IQANK1: variants seen among roughly 807,000 people sequenced by gnomAD.
IQANK1 encodes IQ motif and ankyrin repeat domain-containing protein 1.
In IQANK1, 30 loss-of-function variants were observed where a neutral mutation model predicts 22.6. The observed-to-expected ratio is 1.33, with a 90% confidence interval of 0.99 to 1.80. IQANK1 has a LOEUF of 1.80. IQANK1 is among the 40% of genes most tolerant of loss of function. The pLI is 0.00. For synonymous variants in IQANK1, 122 were observed against 99.6 expected, an observed-to-expected ratio of 1.23 and a Z score of -1.34; for missense variants, 275 against 235.2, an observed-to-expected ratio of 1.17 and a Z score of -1.11.
chr8:143,736,649 C>T (rs1316423855), intron 2 of IQANK1, among the ~76,000 whole-genome samples: 1 of 152,138 alleles, frequency 6.6e-6, no homozygotes, highest in East Asian at 1.9e-4. Context: ...CTCTCTGCTC[C>T]ATCTGGGCCA....
chr8:143,770,658 C>CG (rs1554629662), intron 3 of IQANK1, among the ~76,000 whole-genome samples: 3 of 152,262 alleles, frequency 2.0e-5, no homozygotes, highest in Non-Finnish European at 4.4e-5. Context: ...TTCTGGCCTG[C>CG]GCTCCCGTGG....
intron 3 of IQANK1, among the ~76,000 whole-genome samples, chr8:143,748,841 A>ATATATAAATATATATTTCATATATAAT: frequency 9.1e-6 from 1 of 110,080 alleles, no homozygotes; most frequent in Non-Finnish European, 1.6e-5. Context: ...TCATATATAA[A>ATATATAAATATATATTTCATATATAAT]TATATAAATA....
chr8:143,763,429 G>A (rs1237947425), intron 3 of IQANK1, among the ~76,000 whole-genome samples: 2 of 152,158 alleles, frequency 1.3e-5, no homozygotes, highest in African/African-American at 4.8e-5. Context: ...GATATGGTTT[G>A]GTCCCCTCCA....
intron 3 of IQANK1, among the ~76,000 whole-genome samples, chr8:143,752,510 A>G (rs372667847): frequency 2.2e-4 from 34 of 152,284 alleles, no homozygotes; most frequent in African/African-American, 7.5e-4. Flanking sequence ...CATGTCTTTC[A>G]TCAAATTTGG....
At chr8:143,780,802 TTTA>T (rs1819783589) in intron 7 of IQANK1, among the ~76,000 whole-genome samples, 1 of 152,250 alleles carries the variant, frequency 6.6e-6, no homozygotes, top group African/African-American at 2.4e-5. Context: ...TGCATGTGTC[TTTA>T]TGGTACACTG....
intron 3 of IQANK1, among the ~76,000 whole-genome samples, chr8:143,748,830 T>TTCATATATAAATATATGAATATATATA (rs1819104257): frequency 1.2e-5 from 1 of 84,004 alleles, no homozygotes; most frequent in Admixed American, 2.1e-4. Context: ...AAATATATAT[T>TTCATATATAAATATATGAATATATATA]TCATATATAA....
At chr8:143,748,686 T>C (rs1347734471) in intron 3 of IQANK1, among the ~76,000 whole-genome samples, 1 of 91,808 alleles carries the variant, frequency 1.1e-5, no homozygotes, top group Non-Finnish European at 1.7e-5. Context: ...ATATATATCA[T>C]ATATATCATA....
chr8:143,756,715 C>A (rs1289177837), intron 3 of IQANK1, among the ~76,000 whole-genome samples: 3 of 151,852 alleles, frequency 2.0e-5, no homozygotes, highest in African/African-American at 7.3e-5. Flanking sequence ...TCTGTAATCC[C>A]AGCACTTTGG....
intron 3 of IQANK1, among the ~76,000 whole-genome samples, chr8:143,751,117 TA>T (rs1187405492): frequency 3.4e-4 from 51 of 152,148 alleles, no homozygotes; most frequent in African/African-American, 1.1e-3. Context: ...TTCAACGACA[TA>T]AAAAACTCTG....
intron 2 of IQANK1, 37 bp from the exon 3 acceptor site, chr8:143,739,822 T>G: frequency 2.9e-6 from 2 of 680,098 alleles, no homozygotes; most frequent in Middle Eastern, 4.7e-4. Flanking sequence ...GATGGGGGTC[T>G]CTCATCCCAA....
At chr8:143,773,778 GA>G (rs1268492091) in intron 7 of IQANK1, among the ~76,000 whole-genome samples, 1 of 152,202 alleles carries the variant, frequency 6.6e-6, no homozygotes, top group African/African-American at 2.4e-5. Flanking sequence ...GGCTGGAGGG[GA>G]GGGGCAGGGC....
At position 143,774,082 on chromosome 8, in the gene IQANK1, G is replaced by T. The variant is rs1246593754; in HGVS notation, c.789+1600G>T. 6.6e-6 allele frequency among the ~76,000 whole-genome samples: 1 copy of T among 151,986 alleles called. No homozygotes were observed. The highest frequency in any genetic ancestry group is 2.4e-5 in the African/African-American group (1 of 41,392). On this transcript the variant is annotated intron_variant, in intron 7 of 13. Transcript: ENST00000527139. This position sits in a 1 kb window ranked among gnomAD's most constrained non-coding sequence, Gnocchi z 4.2. The stretch of plus-strand genomic sequence containing the variant: ...AGTGGATTATAGATTTAAATGTAAA[G>T]GGTAAAATTACAAAACTTTTAGAAC...
rs78021144 is a variant in IQANK1, at chr8:143,738,519, G to A, written c.86-1340G>A. On this transcript the variant is annotated intron_variant, in intron 2 of 13. Coordinates refer to ENST00000527139, the MANE Select transcript of IQANK1 (RefSeq NM_001381874.1). The stretch of plus-strand genomic sequence containing the variant: ...ACTCCACGGCGCGGTGGCTCGCCTG[G>A]GCTGAGAGGCTGACTAACGCGCTGA... Among the ~76,000 whole-genome samples, 878 of 152,264 alleles carry A rather than the reference G, an allele frequency of 5.8e-3. 12 individuals are homozygous for A. The highest frequency in any genetic ancestry group is 0.019 in the African/African-American group (809 of 41,562).
At position 143,771,040 on chromosome 8, in the gene IQANK1, C is replaced by A. The variant is rs1253613706; in HGVS notation, c.176-448C>A. ...GCTCCCTCTGGGGCCCTGGGCTCCG[C>A]GCCCTCTTCTGAGTCCAGCGGGGCT... is the stretch of plus-strand genomic sequence containing the variant. On this transcript the variant is annotated intron_variant, in intron 3 of 13. Transcript: ENST00000527139. The surrounding 1 kb of genome is among the most constrained non-coding windows in gnomAD (Gnocchi z 6.0). Among the ~76,000 whole-genome samples, 1 of 152,220 alleles carries A rather than the reference C, an allele frequency of 6.6e-6. No homozygotes were observed. Among genetic ancestry groups the A allele is most frequent in the African/African-American group, 2.4e-5 (1 of 41,464 alleles).
intron 3 of IQANK1, among the ~76,000 whole-genome samples, chr8:143,748,721 A>G: frequency 8.9e-6 from 1 of 112,434 alleles, no homozygotes; most frequent in East Asian, 2.4e-4. Flanking sequence ...TATATATCAT[A>G]TATATCATAT....
At chr8:143,750,826 A>C (rs371494620) in intron 3 of IQANK1, among the ~76,000 whole-genome samples, 2 of 152,250 alleles carry the variant, frequency 1.3e-5, no homozygotes, top group East Asian at 1.9e-4. Flanking sequence ...AAAAACAAAA[A>C]ATAAAATAAA....
Position 143,771,860 on chromosome 8 carries a change from G to A in IQANK1, c.366G>A (p.Glu122=), listed in dbSNP as rs1332118634. The change falls in exon 5 of 14, where the codon GAG becomes GAA. Residue 122 remains glutamate, a synonymous_variant. Transcript: ENST00000527139. The surrounding 1 kb of genome is among the most constrained non-coding windows in gnomAD (Gnocchi z 6.0). ...CCGCGCGGCGGCTGCGCGAGCAGGAGGAGGCGGCGCAGCGGGAGCGGCGGG... is the reference window on the plus strand; with the variant it reads ...CCGCGCGGCGGCTGCGCGAGCAGGAAGAGGCGGCGCAGCGGGAGCGGCGGG... The part of the protein sequence containing the change: ...QEAARRLREQ[E]EAAQRERREE... The A allele has an allele frequency of 5.1e-6, 2 of 395,048 alleles. No individual in the cohort carries two copies. The highest frequency in any genetic ancestry group is 8.9e-6 in the Non-Finnish European group (2 of 223,836). 24.5% of individuals were successfully genotyped at this position (395,048 alleles called of 1,614,324 possible).
At chr8:143,760,026 G>A (rs1272018852) in intron 3 of IQANK1, among the ~76,000 whole-genome samples, 3 of 152,134 alleles carry the variant, frequency 2.0e-5, no homozygotes, top group Non-Finnish European at 4.4e-5. Flanking sequence ...ATCCCTGACC[G>A]TCAGCCACCA....
chr8:143,753,840 C>A (rs1819239803), intron 3 of IQANK1, among the ~76,000 whole-genome samples: 1 of 152,150 alleles, frequency 6.6e-6, no homozygotes, highest in African/African-American at 2.4e-5. Context: ...TTGTGAACTT[C>A]TGTTGAAAAC....
Sources: gnomAD v4.1 joint callset for allele counts (sites outside exome capture counted in the v4.1 genomes callset) on GRCh38, gnomAD v4.1.1 for gene constraint, Gnocchi (gnomAD v3.1) non-coding constraint, MANE v1.5 for transcripts, NCBI Gene and HGNC (gene_info 2026-07-23, HGNC 2026-07-21) for gene names.